The following SCFD1 variants were observed in gnomAD, a reference collection of about 807,000 sequenced individuals.
The protein encoded by SCFD1 is sec1 family domain containing 1, also known as sec1 family domain-containing protein 1.
A neutral mutation model predicts 103.2 loss-of-function variants in SCFD1; 37 were observed. The ratio of observed to expected loss-of-function variants is 0.36; its 90% confidence interval spans 0.28 to 0.47. The LOEUF is 0.47. Among genes scored for constraint, SCFD1 ranks in the 20% least tolerant of loss-of-function variants. The probability of loss-of-function intolerance (pLI) is 1.00; values close to 1 mark genes in which losing one functional copy is unlikely to be tolerated. For missense variants in SCFD1, 639 were observed against 761.2 expected, an observed-to-expected ratio of 0.84 and a Z score of 1.89; for synonymous variants, 264 against 245.0, an observed-to-expected ratio of 1.08 and a Z score of -0.73.
At chr14:30,667,694 C>T (rs945158506) in intron 10 of SCFD1, among the ~76,000 whole-genome samples, 2 of 152,154 alleles carry the variant, frequency 1.3e-5, no homozygotes, top group Non-Finnish European at 2.9e-5. Context: ...AGCTGATAAG[C>T]AACTTCAGCA....
intron 14 of SCFD1, among the ~76,000 whole-genome samples, chr14:30,684,559 G>A (rs563085958): frequency 6.6e-6 from 1 of 152,072 alleles, no homozygotes; most frequent in Non-Finnish European, 1.5e-5. Flanking sequence ...CTGAAATTTG[G>A]AGAAAAGCAC....
intron 21 of SCFD1, chr14:30,721,617 C>T (rs1419622397): frequency 1.6e-5 from 6 of 385,262 alleles, no homozygotes; most frequent in East Asian, 5.0e-5. Flanking sequence ...AGTTGCTGCT[C>T]AGTCATCTAG....
At chr14:30,720,110 C>A (rs1048378983) in intron 21 of SCFD1, among the ~76,000 whole-genome samples, 1 of 152,126 alleles carries the variant, frequency 6.6e-6, no homozygotes, top group African/African-American at 2.4e-5. Flanking sequence ...GCTTTCGTAT[C>A]TTTGTAGATG....
intron 6 of SCFD1, among the ~76,000 whole-genome samples, 160 bp from the exon 7 acceptor site, chr14:30,643,156 G>A (rs1885455450): frequency 1.3e-5 from 2 of 152,056 alleles, no homozygotes; most frequent in African/African-American, 4.8e-5. Context: ...CTGGGTGACA[G>A]AGCAAGATCC....
At chr14:30,710,513 C>T (rs1015216150) in intron 19 of SCFD1, among the ~76,000 whole-genome samples, 1 of 151,992 alleles carries the variant, frequency 6.6e-6, no homozygotes, top group African/African-American at 2.4e-5. Flanking sequence ...AGGACAAATA[C>T]TCAGGCTTAC....
chr14:30,712,332 G>A (rs1891939743), intron 19 of SCFD1, among the ~76,000 whole-genome samples: 2 of 152,118 alleles, frequency 1.3e-5, no homozygotes, highest in South Asian at 4.1e-4. Context: ...CCCACTGCCA[G>A]CTTCGACATC....
intron 17 of SCFD1, among the ~76,000 whole-genome samples, chr14:30,703,910 CATATATATATATATATATAT>C (rs71443380): frequency 0.047 from 1,859 of 39,550 alleles, 78 homozygotes; most frequent in Non-Finnish European, 0.09. Context: ...GGAATATTTG[CATATATATATATATATATAT>C]ATATATATAT....
At chr14:30,622,457 C>T in intron 1 of SCFD1, 58 bp downstream of exon 1, 1 of 1,543,376 alleles carries the variant, frequency 6.5e-7, no homozygotes, top group Non-Finnish European at 8.8e-7. Flanking sequence ...ACATCCTTCT[C>T]CTCTGGTGCG....
At chr14:30,652,058 C>T (rs995218742) in intron 9 of SCFD1, among the ~76,000 whole-genome samples, 1 of 152,176 alleles carries the variant, frequency 6.6e-6, no homozygotes, top group African/African-American at 2.4e-5. Flanking sequence ...CCTTACCTTC[C>T]ATCTAGCTCT....
intron 23 of SCFD1, among the ~76,000 whole-genome samples, chr14:30,723,792 C>T (rs1892820978): frequency 6.6e-6 from 1 of 152,142 alleles, no homozygotes; most frequent in Admixed American, 6.6e-5. Flanking sequence ...TTTGTCTAGT[C>T]TAACATCAGT....
At chr14:30,625,606 TATAGGTATACCTATATAG>T (rs1883318914) in intron 1 of SCFD1, among the ~76,000 whole-genome samples, 1 of 66,694 alleles carries the variant, frequency 1.5e-5, no homozygotes, top group Non-Finnish European at 3.2e-5. Flanking sequence ...TTGTTATAGG[TATAGGTATACCTATATAG>T]GTATAGGTAT....
At chr14:30,658,892 T>A (rs1168460985) in intron 10 of SCFD1, among the ~76,000 whole-genome samples, 1 of 152,226 alleles carries the variant, frequency 6.6e-6, no homozygotes, top group Admixed American at 6.5e-5. Flanking sequence ...GTAGCCTAAT[T>A]TCAAGCATTT....
In SCFD1 at chr14:30,653,547, C is replaced by T; in HGVS notation, c.814C>T (p.His272Tyr). ...AAACATAGATTTGGCAACTCCTTTA[C>T]ATCATACTTGGACATATCAAGCATT... ...DRNIDLATPL[H>Y]HTWTYQALVH... is the part of the protein sequence containing the mutation. The change falls in exon 10 of 25, where the codon CAT (histidine) becomes TAT (tyrosine). Residue 272 changes from histidine (H) to tyrosine (Y), a missense_variant. Physicochemically the swap from His to Tyr is moderately conservative, Grantham distance 83 (BLOSUM62 2). Coordinates refer to ENST00000458591, the MANE Select transcript of SCFD1 (RefSeq NM_016106.4). 6.2e-7 allele frequency: 1 copy of T among 1,613,582 alleles called. No homozygotes were observed. The highest frequency in any genetic ancestry group is 8.5e-7 in the Non-Finnish European group (1 of 1,179,612).
intron 10 of SCFD1, among the ~76,000 whole-genome samples, chr14:30,669,258 A>G (rs1180455611): frequency 6.6e-6 from 1 of 152,106 alleles, no homozygotes; most frequent in African/African-American, 2.4e-5. Flanking sequence ...AATAATCATT[A>G]ATTCAAAATA....
intron 14 of SCFD1, among the ~76,000 whole-genome samples, chr14:30,693,745 C>G (rs1890484003): frequency 6.6e-6 from 1 of 152,146 alleles, no homozygotes; most frequent in South Asian, 2.1e-4. Flanking sequence ...TAATATAGTT[C>G]ATGAATGGTT....
intron 15 of SCFD1, among the ~76,000 whole-genome samples, chr14:30,699,512 A>C (rs1028245467): frequency 6.6e-6 from 1 of 152,252 alleles, no homozygotes; most frequent in African/African-American, 2.4e-5. Context: ...TAAGAGTAGT[A>C]ACTCAGAGCA....
At chr14:30,722,299 G>GA (rs1430567806) in intron 22 of SCFD1, among the ~76,000 whole-genome samples, 195 bp from the exon 23 acceptor site, 1 of 151,924 alleles carries the variant, frequency 6.6e-6, no homozygotes, top group African/African-American at 2.4e-5. Flanking sequence ...AATTGTTTCT[G>GA]AAAAATCTCT....
intron 15 of SCFD1, among the ~76,000 whole-genome samples, chr14:30,697,768 G>A (rs1256019030): frequency 3.3e-5 from 5 of 152,150 alleles, no homozygotes; most frequent in Non-Finnish European, 7.4e-5. Flanking sequence ...ATTCTAGGAA[G>A]AAACCAGCCT....
At chr14:30,716,386 T>C (rs1240176088) in intron 20 of SCFD1, among the ~76,000 whole-genome samples, 3 of 152,194 alleles carry the variant, frequency 2.0e-5, no homozygotes, top group Non-Finnish European at 4.4e-5. Context: ...TAAGTACATA[T>C]GTTTACAGGG....
Sources: allele counts gnomAD v4.1 joint callset (sites outside exome capture counted in the v4.1 genomes callset), GRCh38; gene constraint gnomAD v4.1.1; transcripts MANE v1.5; gene names NCBI Gene and HGNC (gene_info 2026-07-23, HGNC 2026-07-21).